The following PRDM6 variants were observed in gnomAD, a reference collection of about 807,000 sequenced individuals.
PRDM6 encodes PR/SET domain 6, also known as putative histone-lysine N-methyltransferase PRDM6.
In PRDM6, 25 loss-of-function variants were observed where a neutral mutation model predicts 60.8. The observed-to-expected ratio is 0.41, with a 90% CI of 0.30 to 0.57. The LOEUF (loss-of-function observed/expected upper bound fraction) is 0.57. Ranked by LOEUF, PRDM6 falls within the 20% of genes least tolerant of loss-of-function variation. The probability of loss-of-function intolerance (pLI) is 0.27; values close to 1 mark genes in which losing one functional copy is unlikely to be tolerated. For synonymous variants in PRDM6, 407 were observed against 357.4 expected, an observed-to-expected ratio of 1.14 and a Z score of -1.57; for missense variants, 839 against 821.3, an observed-to-expected ratio of 1.02 and a Z score of -0.26.
chr5:123,138,768 A>G (rs1013564104), intron 3 of PRDM6, among the ~76,000 whole-genome samples: 2 of 152,204 alleles, frequency 1.3e-5, no homozygotes, highest in Admixed American at 6.5e-5. Context: ...TTTTGAAGGC[A>G]TAGAAAGAAG....
At chr5:123,150,077 G>A (rs1270493736) in intron 3 of PRDM6, among the ~76,000 whole-genome samples, 1 of 152,120 alleles carries the variant, frequency 6.6e-6, no homozygotes, top group African/African-American at 2.4e-5. Flanking sequence ...GTCTAAGGCT[G>A]GCTATGTTCT....
chr5:123,119,759 C>CA (rs1403903938), intron 3 of PRDM6, among the ~76,000 whole-genome samples: 1 of 152,172 alleles, frequency 6.6e-6, no homozygotes, highest in Non-Finnish European at 1.5e-5. Context: ...AGACCCTTCT[C>CA]AGATGATTCA....
intron 5 of PRDM6, among the ~76,000 whole-genome samples, chr5:123,166,306 C>T (rs1435730100): frequency 6.6e-6 from 1 of 152,224 alleles, no homozygotes; most frequent in African/African-American, 2.4e-5. Flanking sequence ...CCTTTTCCTC[C>T]CTTTGCACTT....
At position 123,188,607 on chromosome 5, in the gene PRDM6, T is replaced by A. The variant is rs1766339710; in HGVS notation, c.*1406T>A. 1 of 152,170 alleles carries A rather than the reference T, an allele frequency of 6.6e-6. No homozygotes were observed. Among genetic ancestry groups the A allele is most frequent in the East Asian group, 1.9e-4 (1 of 5,192 alleles). 9.4% of individuals were successfully genotyped at this position (152,170 alleles called of 1,614,324 possible). A position where few individuals can be genotyped will look rare whatever the true frequency, so the allele number is the denominator to read the frequency against. ...GTTCAGTTTTATCTAGAGTGTTTAA[T>A]AACAACAGTTTCTGTTTGTAAATTT... On this transcript the variant is annotated 3_prime_UTR_variant, in exon 8 of 8. Coordinates refer to ENST00000407847, the MANE Select transcript of PRDM6 (RefSeq NM_001136239.4).
At chr5:123,130,115 T>TTCCCCTTCC (rs1554087385) in intron 3 of PRDM6, among the ~76,000 whole-genome samples, 1 of 19,716 alleles carries the variant, frequency 5.1e-5, no homozygotes, top group Non-Finnish European at 8.3e-5. Flanking sequence ...CCTCCCCTCC[T>TTCCCCTTCC]CTCCCCTTCC....
rs1004041056 is a variant in PRDM6 at position 123,099,371 on chromosome 5, C to G, written c.593-283C>G. Among the ~76,000 whole-genome samples the G allele has an allele frequency of 3.9e-5, 6 of 152,288 alleles. No individual in the cohort carries two copies. Among genetic ancestry groups the G allele is most frequent in the African/African-American group, 1.2e-4 (5 of 41,566 alleles). On this transcript the variant is annotated intron_variant, in intron 2 of 7. Transcript: ENST00000407847. The surrounding 1 kb of genome is among the most constrained non-coding windows in gnomAD (Gnocchi z 4.0). ...CTGGAACTGTCGGTTCCGTGGAGAG[C>G]GGACATGCTATCTGCGCCCAGATCC...
chr5:123,129,513 A>C (rs2150222339), intron 3 of PRDM6, among the ~76,000 whole-genome samples: 2 of 152,266 alleles, frequency 1.3e-5, no homozygotes, highest in Middle Eastern at 6.8e-3. Flanking sequence ...AAAAGGGAGG[A>C]GTGATATTTT....
In PRDM6 at chr5:123,187,295, C is replaced by A; in HGVS notation, c.*94C>A. ...CCAAAGATTTCCTCTGAGCAACTTT[C>A]AATCAGTCCCAGAAAACCAAAAGCA... is the stretch of plus-strand genomic sequence containing the variant. On this transcript the variant is annotated 3_prime_UTR_variant, in exon 8 of 8. Coordinates refer to ENST00000407847, the MANE Select transcript of PRDM6 (RefSeq NM_001136239.4). The A allele has an allele frequency of 1.1e-6, 1 of 912,212 alleles. No homozygotes were observed. The highest frequency in any genetic ancestry group is 1.5e-5 in the South Asian group (1 of 68,098). The allele number at this position is 912,212 out of a possible 1,614,324, so 56.5% of individuals were successfully genotyped here. A position where few individuals can be genotyped will look rare whatever the true frequency, so the allele number is the denominator to read the frequency against.
chr5:123,089,641 C>T, intron 1 of PRDM6, 122 bp downstream of exon 1: 1 of 231,322 alleles, frequency 4.3e-6, no homozygotes, highest in South Asian at 9.2e-5. Context: ...GCCAACGCGG[C>T]TCGGGCGCTG....
intron 3 of PRDM6, among the ~76,000 whole-genome samples, chr5:123,117,240 C>G (rs1764470583): frequency 6.6e-6 from 1 of 151,954 alleles, no homozygotes; most frequent in African/African-American, 2.4e-5. Flanking sequence ...GTAATTTTAA[C>G]AGTTTTAGAG....
intron 3 of PRDM6, among the ~76,000 whole-genome samples, chr5:123,153,092 A>G (rs1363582857): frequency 2.6e-5 from 4 of 152,010 alleles, no homozygotes; most frequent in African/African-American, 9.7e-5. Flanking sequence ...AGAGGCTGAT[A>G]GTATAGTGAT....
At chr5:123,169,683 G>A (rs1156864187) in intron 5 of PRDM6, among the ~76,000 whole-genome samples, 1 of 152,118 alleles carries the variant, frequency 6.6e-6, no homozygotes, top group East Asian at 1.9e-4. Context: ...ACCAAATCAC[G>A]GATTTAGATG....
chr5:123,148,441 G>A (rs1765296353), intron 3 of PRDM6, among the ~76,000 whole-genome samples: 1 of 152,038 alleles, frequency 6.6e-6, no homozygotes, highest in African/African-American at 2.4e-5. Context: ...AATTGTAATA[G>A]GTGGAGGAGG....
At chr5:123,138,425 G>A (rs1453527970) in intron 3 of PRDM6, among the ~76,000 whole-genome samples, 1 of 152,328 alleles carries the variant, frequency 6.6e-6, no homozygotes, top group Admixed American at 6.5e-5. Context: ...TTTGCTTTCA[G>A]CAGAGATTAT....
intron 3 of PRDM6, among the ~76,000 whole-genome samples, chr5:123,104,278 A>G (rs1377795741): frequency 6.8e-6 from 1 of 146,358 alleles, no homozygotes; most frequent in African/African-American, 2.8e-5. Flanking sequence ...TCTAGAAGAA[A>G]ATGAATTGAT....
chr5:123,135,134 C>G (rs1764926389), intron 3 of PRDM6, among the ~76,000 whole-genome samples: 1 of 152,134 alleles, frequency 6.6e-6, no homozygotes, highest in Non-Finnish European at 1.5e-5. Flanking sequence ...AGATGGTTTA[C>G]ATAGGCCGGA....
chr5:123,187,038 C>G, intron 7 of PRDM6, 49 bp from the exon 8 acceptor site: 1 of 1,376,390 alleles, frequency 7.3e-7, no homozygotes, highest in Non-Finnish European at 1.0e-6. Flanking sequence ...AGCCCATCAC[C>G]CTGCAGGCCC....
rs184538007 is a variant in PRDM6 at position 123,191,997 on chromosome 5, C to T, written c.*4796C>T. 39 of 152,164 alleles carry T rather than the reference C, an allele frequency of 2.6e-4. No homozygotes were observed. The highest frequency in any genetic ancestry group is 2.4e-3 in the Admixed American group (37 of 15,272). The allele number at this position is 152,164 out of a possible 1,614,324, so 9.4% of individuals were successfully genotyped here. ...TGTTTCATCAGATCAATATGTAAAA[C>T]GATAACAAAAAATATGTCGGAAACA... On this transcript the variant is annotated 3_prime_UTR_variant, in exon 8 of 8. Transcript: ENST00000407847.
intron 3 of PRDM6, among the ~76,000 whole-genome samples, chr5:123,100,836 T>A (rs1206919924): frequency 6.6e-6 from 1 of 152,236 alleles, no homozygotes; most frequent in Non-Finnish European, 1.5e-5. Flanking sequence ...TGCCTATCAT[T>A]AGGTCATCCC....
Sources: gnomAD v4.1 joint callset for allele counts (sites outside exome capture counted in the v4.1 genomes callset) on GRCh38, gnomAD v4.1.1 for gene constraint, Gnocchi (gnomAD v3.1) non-coding constraint, MANE v1.5 for transcripts, NCBI Gene and HGNC (gene_info 2026-07-23, HGNC 2026-07-21) for gene names.